The following PSMG2 variants were observed in gnomAD, a reference collection of about 807,000 sequenced individuals.
PSMG2 encodes CD40 ligand-activated specific transcript 3.
A neutral mutation model predicts 31.5 loss-of-function variants in PSMG2; 21 were observed. That is an observed-to-expected ratio of 0.67 (90% CI 0.47 to 0.96). The LOEUF is 0.96. PSMG2 is among the 40% of genes least tolerant of loss of function. The pLI, the probability that PSMG2 is intolerant of heterozygous loss-of-function variation, is 0.00. For synonymous variants in PSMG2, 120 were observed against 110.4 expected (o/e 1.09, Z -0.54); for missense variants, 318 against 321.2 (o/e 0.99, Z 0.08).
At chr18:12,721,710 T>C (rs1039416691) in intron 5 of PSMG2, among the ~76,000 whole-genome samples, 7 of 152,078 alleles carry the variant, frequency 4.6e-5, no homozygotes, top group African/African-American at 1.7e-4. Flanking sequence ...TTCTATTCTC[T>C]ATTATTCTAT....
At chr18:12,707,823 T>G (rs1170822889) in intron 2 of PSMG2, among the ~76,000 whole-genome samples, 3 of 152,180 alleles carry the variant, frequency 2.0e-5, no homozygotes, top group Non-Finnish European at 4.4e-5. Flanking sequence ...AGCATTTTGG[T>G]TTTTGTGTCT....
intron 1 of PSMG2, among the ~76,000 whole-genome samples, chr18:12,664,631 C>G (rs973882730): frequency 1.6e-4 from 25 of 152,058 alleles, no homozygotes; most frequent in African/African-American, 5.8e-4. Flanking sequence ...GGGATCCTCC[C>G]GCCTTGGCCT....
intron 1 of PSMG2, chr18:12,673,056 G>A: frequency 9.8e-7 from 1 of 1,022,042 alleles, no homozygotes; most frequent in Non-Finnish European, 1.2e-6. Context: ...TTTGTGTAAA[G>A]AAAACTGAAT....
In PSMG2 at chr18:12,669,261, C is replaced by T. The variant is rs530526069; in HGVS notation, c.-37+10488C>T. ...CCGAGTAGCTGGGAATACAGGCATG[C>T]GCCACCATGCCCAGCTAATTTTGTA... On this transcript the variant is annotated intron_variant, in intron 1 of 6. Coordinates refer to the PSMG2 transcript ENST00000585331. 2.6e-3 allele frequency among the ~76,000 whole-genome samples: 397 copies of T among 151,840 alleles called. 3 individuals carry two copies. Among genetic ancestry groups the T allele is most frequent in the South Asian group, 0.014 (67 of 4,806 alleles).
At chr18:12,678,030 AC>A in intron 1 of PSMG2, 1 of 1,070,052 alleles carries the variant, frequency 9.3e-7, no homozygotes, top group South Asian at 1.5e-5. Flanking sequence ...AGTGACTGGC[AC>A]TATCACACAC....
At chr18:12,721,358 AC>A (rs1418296129) in intron 5 of PSMG2, among the ~76,000 whole-genome samples, 1 of 152,006 alleles carries the variant, frequency 6.6e-6, no homozygotes, top group East Asian at 1.9e-4. Flanking sequence ...CTACACGCGC[AC>A]TTTTTTTTAA....
upstream of PSMG2, chr18:12,699,848 G>A: frequency 1.3e-6 from 2 of 1,577,038 alleles, no homozygotes; most frequent in South Asian, 1.2e-5. Flanking sequence ...AATGTCGATT[G>A]TCTATCAAAA....
intron 1 of PSMG2, among the ~76,000 whole-genome samples, chr18:12,664,457 G>A (rs2038762819): frequency 6.6e-6 from 1 of 151,826 alleles, no homozygotes; most frequent in African/African-American, 2.4e-5. Context: ...GGCTGAGGCA[G>A]GAGAATTGCT....
intron 1 of PSMG2, among the ~76,000 whole-genome samples, chr18:12,676,053 T>C (rs1403684351): frequency 6.6e-6 from 1 of 152,110 alleles, no homozygotes; most frequent in Non-Finnish European, 1.5e-5. Flanking sequence ...TACAAAAAAT[T>C]CTCAAAATTC....
intron 5 of PSMG2, among the ~76,000 whole-genome samples, chr18:12,723,194 C>T (rs886374653): frequency 6.6e-6 from 1 of 152,140 alleles, no homozygotes; most frequent in African/African-American, 2.4e-5. Flanking sequence ...CTGTAGCTCT[C>T]TTCTCTGTCA....
chr18:12,678,051 C>T (rs2145000774), intron 1 of PSMG2: 5 of 1,395,830 alleles, frequency 3.6e-6, no homozygotes, highest in Non-Finnish European at 5.0e-6. Flanking sequence ...CACCAAAAAA[C>T]AGTTAAATAC....
intron 1 of PSMG2, among the ~76,000 whole-genome samples, chr18:12,670,014 AAAAG>A (rs1325658808): frequency 6.6e-6 from 1 of 150,636 alleles, no homozygotes; most frequent in Non-Finnish European, 1.5e-5. Flanking sequence ...AAAGAAAAGA[AAAAG>A]AAAAAGAAAA....
intron 1 of PSMG2, among the ~76,000 whole-genome samples, chr18:12,680,412 A>G (rs2039303857): frequency 6.6e-6 from 1 of 151,910 alleles, no homozygotes; most frequent in African/African-American, 2.4e-5. Context: ...CCTGGCTAAC[A>G]TGGTGAAAAC....
At chr18:12,717,030 G>A (rs2040383283) in intron 3 of PSMG2, among the ~76,000 whole-genome samples, 1 of 143,986 alleles carries the variant, frequency 6.9e-6, no homozygotes, top group Admixed American at 7.4e-5. Context: ...GCTCACTACA[G>A]CCCTGACCTC....
At chr18:12,659,761 A>G (rs1292947987) in intron 1 of PSMG2, among the ~76,000 whole-genome samples, 2 of 152,166 alleles carry the variant, frequency 1.3e-5, no homozygotes, top group Non-Finnish European at 2.9e-5. Context: ...CAACCCCTTA[A>G]AGTAGCATCA....
At chr18:12,681,098 C>T (rs981500526) in intron 1 of PSMG2, among the ~76,000 whole-genome samples, 8 of 150,648 alleles carry the variant, frequency 5.3e-5, no homozygotes, top group African/African-American at 1.7e-4. Flanking sequence ...ACTCAGGAGG[C>T]GAGGCAAGAG....
At position 12,706,464 on chromosome 18, in the gene PSMG2, G is replaced by A. The variant is rs2040269408; in HGVS notation, c.58-86G>A. 4 of 1,418,330 alleles carry A rather than the reference G, an allele frequency of 2.8e-6. No individual in the cohort carries two copies. In the Admixed American group the frequency reaches 7.0e-5, roughly 25 times the overall value. 87.9% of individuals were successfully genotyped at this position (1,418,330 alleles called of 1,614,324 possible). On this transcript the variant is annotated intron_variant, in intron 1 of 6. Transcript: ENST00000317615. The stretch of plus-strand genomic sequence containing the variant: ...ATCACGCCACTGTACTCCAGCCTGG[G>A]AGACAGAGGCAGACTCTGTTTCAAA...
At chr18:12,702,372 C>T, upstream of PSMG2, 1 of 790,768 alleles carries the variant, frequency 1.3e-6, no homozygotes, top group Non-Finnish European at 2.1e-6. Flanking sequence ...GCGCACCCCA[C>T]AATCCTCGCT....
At chr18:12,696,449 G>A (rs566603799) in intron 1 of PSMG2, among the ~76,000 whole-genome samples, 227 of 152,202 alleles carry the variant, frequency 1.5e-3, no homozygotes, top group South Asian at 3.3e-3. Flanking sequence ...GTTGCAGTGA[G>A]CCGAGATTGC....
Sources: gnomAD v4.1 joint callset for allele counts (sites outside exome capture counted in the v4.1 genomes callset) on GRCh38, gnomAD v4.1.1 for gene constraint, MANE v1.5 for transcripts, NCBI Gene and HGNC (gene_info 2026-07-23, HGNC 2026-07-21) for gene names.